TIMP2: variants seen among roughly 807,000 people sequenced by gnomAD.
TIMP2 encodes the protein metalloproteinase inhibitor 2.
TIMP2 carries 5 observed loss-of-function variants against 24.3 expected under a neutral mutation model. The observed-to-expected ratio is 0.21, with a 90% confidence interval of 0.11 to 0.43. The LOEUF is 0.43. TIMP2 is among the 20% of genes least tolerant of loss of function. The probability of loss-of-function intolerance (pLI) is 1.00; values close to 1 mark genes in which losing one functional copy is unlikely to be tolerated. For synonymous variants in TIMP2, 130 were observed against 123.2 expected, an observed-to-expected ratio of 1.06 and a Z score of -0.37; for missense variants, 221 against 297.5, an observed-to-expected ratio of 0.74 and a Z score of 1.89.
At position 78,903,832 on chromosome 17, in the gene TIMP2, G is replaced by A. The variant is rs183609979; in HGVS notation, c.130+21127C>T. Among the ~76,000 whole-genome samples the A allele has an allele frequency of 1.4e-3, 216 of 152,144 alleles. 1 individual carries two copies. The highest frequency in any genetic ancestry group is 5.1e-3 in the African/African-American group (211 of 41,510). ...GGTGCAGGGGGTTTCCAGGAAGCAG[G>A]AGTAGCTGCTGGAAATGGGGGCCCC... On this transcript the variant is annotated intron_variant, in intron 1 of 4. Transcript: ENST00000262768.
At chr17:78,913,895 GAAAAA>G (rs34119062) in intron 1 of TIMP2, among the ~76,000 whole-genome samples, 3 of 102,174 alleles carry the variant, frequency 2.9e-5, no homozygotes, top group African/African-American at 1.1e-4. Context: ...CTGTCTCGGG[GAAAAA>G]AAAAAAAAAA....
chr17:78,896,617 C>T lies in TIMP2; in HGVS notation c.131-22698G>A, dbSNP rs1294612384. Among the ~76,000 whole-genome samples, 1 of 152,168 alleles carries T rather than the reference C, an allele frequency of 6.6e-6. No homozygotes were observed. Among genetic ancestry groups the T allele is most frequent in the Non-Finnish European group, 1.5e-5 (1 of 68,016 alleles). ...TGGTGTTTTCTACTCCCCTGCTGCC[C>T]TCTGGTCCTGCCACCCCGAGCTGAC... On this transcript the variant is annotated intron_variant, in intron 1 of 4. Coordinates refer to ENST00000262768, the MANE Select transcript of TIMP2 (RefSeq NM_003255.5). This position sits in a 1 kb window ranked among gnomAD's most constrained non-coding sequence, Gnocchi z 4.4.
rs963112143 is a variant in TIMP2, at chr17:78,870,928, C to T, written c.310G>A (p.Val104Ile). 1.3e-5 allele frequency: 21 copies of T among 1,613,784 alleles called. No homozygotes were observed. Among genetic ancestry groups the T allele is most frequent in the African/African-American group, 4.0e-5 (3 of 74,926 alleles). The stretch of plus-strand genomic sequence containing the variant: ...ATGAGATATTCCTTCTTTCCTCCAA[C>T]GTCCAGCGAGACCCCACACACTGCC... The part of the protein sequence containing the change: ...SSAVCGVSLD[V>I]GGKKEYLIAG... The change falls in exon 3 of 5, where the codon GTT becomes ATT. Residue 104 changes from valine (V) to isoleucine (I), a missense_variant. By Grantham distance (29) the Val-to-Ile change is conservative. Coordinates refer to ENST00000262768, the MANE Select transcript of TIMP2 (RefSeq NM_003255.5).
chr17:78,880,557 A>C (rs535743059), intron 1 of TIMP2, among the ~76,000 whole-genome samples: 33 of 152,168 alleles, frequency 2.2e-4, no homozygotes, highest in East Asian at 1.9e-4. Flanking sequence ...ACAAAAAAAA[A>C]CAAAAATTAG....
intron 1 of TIMP2, among the ~76,000 whole-genome samples, chr17:78,892,824 C>T (rs2069923019): frequency 6.6e-6 from 1 of 152,120 alleles, no homozygotes; most frequent in Non-Finnish European, 1.5e-5. Context: ...GGAGGGCTGC[C>T]CAAGACAGTG....
At chr17:78,917,760 A>G (rs2070271993) in intron 1 of TIMP2, among the ~76,000 whole-genome samples, 1 of 152,112 alleles carries the variant, frequency 6.6e-6, no homozygotes, top group African/African-American at 2.4e-5. Context: ...CACTGATGGC[A>G]TCCTTTCCCC....
At chr17:78,868,060 G>A (rs952390972) in intron 3 of TIMP2, among the ~76,000 whole-genome samples, 1 of 152,166 alleles carries the variant, frequency 6.6e-6, no homozygotes, top group Non-Finnish European at 1.5e-5. Flanking sequence ...CTAACACGGG[G>A]CTGGGCACCT....
intron 3 of TIMP2, among the ~76,000 whole-genome samples, chr17:78,867,756 C>T (rs926428345): frequency 9.9e-5 from 15 of 151,840 alleles, no homozygotes; most frequent in African/African-American, 2.9e-4. Flanking sequence ...CCACCACGCC[C>T]GGCTAATTTT....
At chr17:78,877,785 C>T (rs1599152455) in intron 1 of TIMP2, among the ~76,000 whole-genome samples, 1 of 151,124 alleles carries the variant, frequency 6.6e-6, no homozygotes, top group East Asian at 2.0e-4. Flanking sequence ...CCCACTGCAA[C>T]CTCCGCCTCC....
chr17:78,923,396 T>TGGGGGGGGGGG (rs1255104339), intron 1 of TIMP2, among the ~76,000 whole-genome samples: 5 of 47,656 alleles, frequency 1.0e-4, no homozygotes, highest in Non-Finnish European at 1.2e-4. Context: ...TGGGGCGGGG[T>TGGGGGGGGGGG]GGGGGGGGGG....
intron 1 of TIMP2, chr17:78,901,650 C>T (rs1289816387): frequency 2.0e-5 from 14 of 704,162 alleles, no homozygotes; most frequent in African/African-American, 1.4e-4. Flanking sequence ...CTAGGCCAAG[C>T]GACTTCACTC....
At chr17:78,885,989 C>T (rs1182795216) in intron 1 of TIMP2, among the ~76,000 whole-genome samples, 3 of 152,152 alleles carry the variant, frequency 2.0e-5, no homozygotes, top group Non-Finnish European at 2.9e-5. Flanking sequence ...ATGACATCTC[C>T]GTAAGAATCA....
intron 1 of TIMP2, among the ~76,000 whole-genome samples, chr17:78,883,519 G>A (rs1289985949): frequency 2.0e-5 from 3 of 152,150 alleles, no homozygotes; most frequent in African/African-American, 7.2e-5. Flanking sequence ...AAGGTAACAG[G>A]GTGCACAACA....
intron 1 of TIMP2, chr17:78,904,293 A>G (rs896399497): frequency 6.6e-6 from 1 of 152,164 alleles, no homozygotes; most frequent in Admixed American, 6.5e-5. Context: ...AGAAGCTTCC[A>G]GCATCCTCCA....
At chr17:78,861,605 CTT>C (rs953067288) in intron 3 of TIMP2, among the ~76,000 whole-genome samples, 46 of 141,894 alleles carry the variant, frequency 3.2e-4, no homozygotes, top group Admixed American at 3.5e-4. Flanking sequence ...TGTATTTTTT[CTT>C]TTTTTTTTTT....
rs530360808 is a variant in TIMP2, at chr17:78,923,083, G to A, written c.130+1876C>T. Among the ~76,000 whole-genome samples, 14 of 152,242 alleles carry A rather than the reference G, an allele frequency of 9.2e-5. No individual in the cohort carries two copies. In the South Asian group the frequency reaches 2.1e-3, roughly 23 times the overall value. ...CGGCCACAGGAAGCGAATGCCCTGAGCTCTGCAGTGCAACTCTGGCATCTG... is the reference window on the plus strand; with the variant it reads ...CGGCCACAGGAAGCGAATGCCCTGAACTCTGCAGTGCAACTCTGGCATCTG... On this transcript the variant is annotated intron_variant, in intron 1 of 4. Transcript: ENST00000262768.
At chr17:78,910,273 A>G (rs1175361752) in intron 1 of TIMP2, among the ~76,000 whole-genome samples, 1 of 150,578 alleles carries the variant, frequency 6.6e-6, no homozygotes, top group Non-Finnish European at 1.5e-5. Flanking sequence ...GCTCGCTGCA[A>G]CCTCCACCTC....
intron 1 of TIMP2, among the ~76,000 whole-genome samples, chr17:78,884,996 G>A (rs1449797984): frequency 1.3e-5 from 2 of 152,194 alleles, no homozygotes; most frequent in Admixed American, 6.5e-5. Context: ...GGTTGGGGGG[G>A]AGCAGGCCAG....
chr17:78,857,577 C>G lies in TIMP2; in HGVS notation c.410G>C (p.Ser137Thr). The change falls in exon 4 of 5, where the codon AGC (serine) becomes ACC (threonine). Residue 137 changes from serine to threonine, a missense_variant. By Grantham distance (58) the Ser-to-Thr change is moderately conservative (BLOSUM62 1). Transcript: ENST00000262768. ...GTTCAGGCTCTTCTTCTGGGTGGTG[C>G]TCAGGGTGTCCCAGGGCACGATGAA... Reference protein sequence around the residue: ...CDFIVPWDTLSTTQKKSLNHR... With the variant: ...CDFIVPWDTLTTTQKKSLNHR... The G allele has an allele frequency of 1.2e-6, 2 of 1,614,180 alleles. No homozygotes were observed. The highest frequency in any genetic ancestry group is 2.2e-5 in the East Asian group (1 of 44,884).
Sources: allele counts gnomAD v4.1 joint callset (sites outside exome capture counted in the v4.1 genomes callset), GRCh38; gene constraint gnomAD v4.1.1; non-coding constraint Gnocchi (gnomAD v3.1); transcripts MANE v1.5; gene names NCBI Gene and HGNC (gene_info 2026-07-23, HGNC 2026-07-21).